The following INPP5B variants were observed in gnomAD, a reference collection of about 807,000 sequenced individuals.
INPP5B encodes inositol polyphosphate-5-phosphatase B.
Under a neutral mutation model 118.5 loss-of-function variants are expected in INPP5B, and 90 were observed. The observed-to-expected ratio is 0.76, with a 90% confidence interval of 0.64 to 0.90. The LOEUF (loss-of-function observed/expected upper bound fraction) is 0.90. Among genes scored for constraint, INPP5B ranks in the 40% least tolerant of loss-of-function variants. INPP5B has a pLI of 0.00. For synonymous variants in INPP5B, 385 were observed against 418.9 expected, an observed-to-expected ratio of 0.92 and a Z score of 0.99; for missense variants, 984 against 1,125.6, an observed-to-expected ratio of 0.87 and a Z score of 1.80.
intron 18 of INPP5B, among the ~76,000 whole-genome samples, chr1:37,873,685 G>A (rs934617011): frequency 6.6e-6 from 1 of 152,184 alleles, no homozygotes; most frequent in Non-Finnish European, 1.5e-5. Flanking sequence ...CAGATAATTG[G>A]GAGTTGATTA....
At chr1:37,904,309 G>A (rs546886152) in intron 7 of INPP5B, among the ~76,000 whole-genome samples, 2 of 152,124 alleles carry the variant, frequency 1.3e-5, no homozygotes, top group South Asian at 2.1e-4. Flanking sequence ...TGGTGACAGA[G>A]CAAGACTCCG....
At chr1:37,909,387 C>T (rs373095477) in intron 7 of INPP5B, among the ~76,000 whole-genome samples, 2 of 152,124 alleles carry the variant, frequency 1.3e-5, no homozygotes, top group Non-Finnish European at 2.9e-5. Context: ...ACCCTATAAC[C>T]CTTCTATTAC....
chr1:37,945,892 C>CT, intron 2 of INPP5B, 42 bp from the exon 3 acceptor site: 1 of 1,572,838 alleles, frequency 6.4e-7, no homozygotes, highest in East Asian at 2.3e-5. Context: ...GAGGCGAGGC[C>CT]TCTCCCCACC....
Position 37,882,807 on chromosome 1 carries a change from C to G in INPP5B, c.1431G>C (p.Gln477His), listed in dbSNP as rs1403896977. ...KDFQMLYAYD[Q>H]LKIQVAAKTV... ...AGAGGGCACAGGTGGCCATCTGTAC[C>G]TGATCATATGCATACAGCATTTGAA... is the stretch of plus-strand genomic sequence containing the variant. Residue 477 changes from glutamine (Q) to histidine (H), a missense_variant and splice_region_variant, in exon 14 of 24, where the codon CAG (glutamine) becomes CAC (histidine). This residue lies in a region of INPP5B where 634 missense variants were observed against 791.0 expected (regional missense o/e 0.80). Coordinates refer to ENST00000373024, the MANE Select transcript of INPP5B (RefSeq NM_005540.3). 1 of 1,610,912 alleles carries G rather than the reference C, an allele frequency of 6.2e-7. No homozygotes were observed. The highest frequency in any genetic ancestry group is 1.3e-5 in the African/African-American group (1 of 74,870).
intron 21 of INPP5B, 75 bp downstream of exon 21, chr1:37,866,383 TA>T (rs1642033255): frequency 1.7e-6 from 1 of 600,360 alleles, no homozygotes; most frequent in Non-Finnish European, 2.9e-6. Context: ...CTCTCACTCA[TA>T]TTCTCTCTCT....
Position 37,868,453 on chromosome 1 carries a change from C to T in INPP5B, c.2301+48G>A. 1.5e-6 allele frequency: 2 copies of T among 1,297,990 alleles called. 1 individual carries two copies. Among genetic ancestry groups the T allele is most frequent in the South Asian group, 2.4e-5 (2 of 84,116 alleles). 80.4% of individuals were successfully genotyped at this position (1,297,990 alleles called of 1,614,324 possible). ...AAAAGTTCTTGGGGCTGATGGTCCT[C>T]AAGGCAGCCTGGCCTCAATCAGGTC... On this transcript the variant is annotated intron_variant, in intron 20 of 23. Transcript: ENST00000373024.
chr1:37,910,309 C>A (rs774159240), intron 7 of INPP5B, among the ~76,000 whole-genome samples: 4 of 152,096 alleles, frequency 2.6e-5, no homozygotes, highest in Non-Finnish European at 5.9e-5. Context: ...GACAGCCAGG[C>A]GTCTAAACCT....
intron 14 of INPP5B, among the ~76,000 whole-genome samples, chr1:37,880,644 GC>G (rs1643142676): frequency 6.6e-6 from 1 of 152,056 alleles, no homozygotes; most frequent in South Asian, 2.1e-4. Context: ...CACCATGTTG[GC>G]AAGGCTGGTC....
chr1:37,916,266 G>C (rs1644857253), intron 7 of INPP5B, among the ~76,000 whole-genome samples: 1 of 151,410 alleles, frequency 6.6e-6, no homozygotes, highest in South Asian at 2.1e-4. Context: ...GCTTATTTTT[G>C]AACTTTTAGT....
intron 23 of INPP5B, among the ~76,000 whole-genome samples, chr1:37,863,794 T>C (rs925207488): frequency 6.6e-6 from 1 of 151,062 alleles, no homozygotes; most frequent in Non-Finnish European, 1.5e-5. Context: ...TTGACCAAGA[T>C]GTTATATGGT....
intron 7 of INPP5B, among the ~76,000 whole-genome samples, chr1:37,896,918 GCCGCC>G (rs1557665497): frequency 7.5e-6 from 1 of 133,900 alleles, no homozygotes; most frequent in African/African-American, 2.8e-5. Flanking sequence ...GCTCTGCCCA[GCCGCC>G]CCTACTGGGA....
Position 37,887,423 on chromosome 1 carries a change from G to A in INPP5B, c.942C>T (p.His314=), listed in dbSNP as rs754105436. 24 of 1,612,904 alleles carry A rather than the reference G, an allele frequency of 1.5e-5. No individual in the cohort carries two copies. The highest frequency in any genetic ancestry group is 1.9e-5 in the Non-Finnish European group (23 of 1,179,486). ...ACCACTCTTCCTCCTTTGGGGTATC[G>A]TGAAAGAAAAAAGCTTCCTTACTCA... ...LDLSKEAFFF[H]DTPKEEEWFK... Residue 314 remains histidine, a synonymous_variant, in exon 11 of 24, where the codon CAC becomes CAT. Coordinates refer to ENST00000373024, the MANE Select transcript of INPP5B (RefSeq NM_005540.3).
intron 18 of INPP5B, 22 bp from the exon 19 acceptor site, chr1:37,873,187 A>G (rs753409793): frequency 1.6e-5 from 26 of 1,576,460 alleles, no homozygotes; most frequent in Non-Finnish European, 2.1e-5. Context: ...TTTTAAAAAT[A>G]ATGTTGGCCG....
chr1:37,866,194 C>T (rs1046973817), intron 21 of INPP5B, among the ~76,000 whole-genome samples: 1 of 152,074 alleles, frequency 6.6e-6, no homozygotes, highest in Non-Finnish European at 1.5e-5. Flanking sequence ...CCCAGCTACT[C>T]GGGAGGCTGA....
intron 7 of INPP5B, among the ~76,000 whole-genome samples, chr1:37,911,409 C>T (rs9730567): frequency 0.41 from 61,653 of 151,980 alleles, 14,232 homozygotes; most frequent in African/African-American, 0.64. Flanking sequence ...CTCTGATCCA[C>T]CTGACATTCA....
At chr1:37,878,884 A>G (rs950383011) in intron 15 of INPP5B, among the ~76,000 whole-genome samples, 2 of 150,952 alleles carry the variant, frequency 1.3e-5, no homozygotes, top group South Asian at 2.1e-4. Flanking sequence ...TCCTGAGCTC[A>G]GGCAATCTGC....
Position 37,931,968 on chromosome 1 carries a change from C to A in INPP5B, c.477G>T (p.Pro159=). The A allele has an allele frequency of 1.2e-6, 2 of 1,613,968 alleles. No individual in the cohort carries two copies. Among genetic ancestry groups the A allele is most frequent in the South Asian group, 1.1e-5 (1 of 91,078 alleles). ...CAELELEMPT[P]RGCNSALVTW... ...TAACTAGGGCCGAGTTACAACCGCG[C>A]GGCGTTGGCATCTCCAGCTCCAGCT... is the stretch of plus-strand genomic sequence containing the variant. The change falls in exon 7 of 24, where the codon CCG becomes CCT. Residue 159 remains proline, a synonymous_variant. Transcript: ENST00000373024.
intron 21 of INPP5B, 53 bp downstream of exon 21, chr1:37,866,406 T>TCTCTCACACACACACACA (rs748938943): frequency 3.2e-4 from 129 of 404,456 alleles, no homozygotes; most frequent in Non-Finnish European, 4.6e-4. Context: ...TCTCTCTCTC[T>TCTCTCACACACACACACA]CACACACACA....
rs1641705526 is a variant in INPP5B, at chr1:37,861,728, C to G, written c.*587G>C. 7.4e-6 allele frequency: 1 copy of G among 135,056 alleles called. No homozygotes were observed. Among genetic ancestry groups the G allele is most frequent in the Admixed American group, 7.7e-5 (1 of 12,914 alleles). 8.4% of individuals were successfully genotyped at this position (135,056 alleles called of 1,614,324 possible). Reference sequence around the variant, plus strand: ...CTGGGCAACAAGAGTGAAACTCCATCTCAAAAAAGAAAAAAAAAAAAAAAA... The same window carrying G: ...CTGGGCAACAAGAGTGAAACTCCATGTCAAAAAAGAAAAAAAAAAAAAAAA... On this transcript the variant is annotated 3_prime_UTR_variant, in exon 24 of 24. Coordinates refer to ENST00000373024, the MANE Select transcript of INPP5B (RefSeq NM_005540.3).
Sources: allele counts gnomAD v4.1 joint callset (sites outside exome capture counted in the v4.1 genomes callset), GRCh38; gene constraint gnomAD v4.1.1; regional missense constraint gnomAD v4.1.1; transcripts MANE v1.5; gene names NCBI Gene and HGNC (gene_info 2026-07-23, HGNC 2026-07-21).